The following ZNF385D variants were observed in gnomAD, a reference collection of about 807,000 sequenced individuals.
ZNF385D encodes zinc finger protein 659.
ZNF385D carries 15 observed loss-of-function variants against 35.8 expected under a neutral mutation model. That is an observed-to-expected ratio of 0.42 (90% confidence interval 0.28 to 0.64). ZNF385D has a LOEUF of 0.64. ZNF385D is among the 30% of genes least tolerant of loss of function. ZNF385D has a pLI of 0.23. For synonymous variants in ZNF385D, 212 were observed against 186.8 expected (o/e 1.13, Z -1.10); for missense variants, 474 against 494.6 (o/e 0.96, Z 0.39).
intron 2 of ZNF385D, among the ~76,000 whole-genome samples, chr3:22,301,959 C>T (rs932278985): frequency 6.6e-6 from 1 of 152,020 alleles, no homozygotes; most frequent in African/African-American, 2.4e-5. Flanking sequence ...TATTGTTTCA[C>T]TGTGTGTATA....
At chr3:21,975,663 A>G (rs1161033118) in intron 3 of ZNF385D, among the ~76,000 whole-genome samples, 2 of 149,940 alleles carry the variant, frequency 1.3e-5, no homozygotes, top group African/African-American at 2.4e-5. Flanking sequence ...TGTGCCCTCT[A>G]TGAACCCACA....
At chr3:21,724,477 CAAAAAAAAAAAAAAAA>C (rs200803155) in intron 1 of ZNF385D, among the ~76,000 whole-genome samples, 4,645 of 51,886 alleles carry the variant, frequency 0.09, 229 homozygotes, top group South Asian at 0.22. Context: ...AATGGAAAGC[CAAAAAAAAAAAAAAAA>C]AAAAAAAAAA....
chr3:21,449,752 C>T (rs1006127578), intron 4 of ZNF385D, among the ~76,000 whole-genome samples: 4 of 152,114 alleles, frequency 2.6e-5, no homozygotes, highest in Non-Finnish European at 4.4e-5. Context: ...AATGAAAAAG[C>T]CTTATCATGG....
At chr3:21,566,171 T>C (rs1052170138) in intron 2 of ZNF385D, among the ~76,000 whole-genome samples, 5 of 152,202 alleles carry the variant, frequency 3.3e-5, no homozygotes, top group African/African-American at 1.2e-4. Flanking sequence ...GACCAGGTGA[T>C]TTACATGGTT....
chr3:22,067,347 C>G (rs1016769436), intron 3 of ZNF385D, among the ~76,000 whole-genome samples: 7 of 152,114 alleles, frequency 4.6e-5, no homozygotes, highest in Non-Finnish European at 8.8e-5. Flanking sequence ...AAGTTGACAG[C>G]AAGCAAGTAA....
At chr3:22,037,291 T>A (rs112322400) in intron 3 of ZNF385D, among the ~76,000 whole-genome samples, 12,935 of 112,042 alleles carry the variant, frequency 0.12, 806 homozygotes, top group Middle Eastern at 0.19. Context: ...CACCACACTG[T>A]CTTCCACAAT....
At chr3:22,003,271 ATG>A (rs1203597382) in intron 3 of ZNF385D, among the ~76,000 whole-genome samples, 1 of 152,226 alleles carries the variant, frequency 6.6e-6, no homozygotes, top group Non-Finnish European at 1.5e-5. Context: ...TAGCTTTTCT[ATG>A]TATCAATAAT....
chr3:22,355,816 C>T (rs1031927836), intron 2 of ZNF385D, among the ~76,000 whole-genome samples: 1 of 151,906 alleles, frequency 6.6e-6, no homozygotes, highest in Non-Finnish European at 1.5e-5. Flanking sequence ...TTGGGATACA[C>T]AGTATACAAC....
At chr3:21,930,761 C>T (rs1211953741) in intron 3 of ZNF385D, among the ~76,000 whole-genome samples, 2 of 151,962 alleles carry the variant, frequency 1.3e-5, no homozygotes, top group East Asian at 1.9e-4. Flanking sequence ...TAATAAGATG[C>T]CCATATGCAA....
intron 2 of ZNF385D, among the ~76,000 whole-genome samples, chr3:22,252,531 T>C (rs1480059745): frequency 6.6e-6 from 1 of 152,062 alleles, no homozygotes; most frequent in Non-Finnish European, 1.5e-5. Context: ...AGAAAACTAC[T>C]ACTGTCAAAG....
At chr3:22,332,540 G>T (rs1694987075) in intron 2 of ZNF385D, among the ~76,000 whole-genome samples, 1 of 151,986 alleles carries the variant, frequency 6.6e-6, no homozygotes, top group African/African-American at 2.4e-5. Flanking sequence ...AAAGACAATA[G>T]GATGAAGCTT....
At position 21,964,754 on chromosome 3, in the gene ZNF385D, A is replaced by C. The variant is rs1013301985; in HGVS notation, c.325+204063T>G. The stretch of plus-strand genomic sequence containing the variant: ...TGATCCACCTGCCTCGACCTCCCAA[A>C]GTGCTGGGATTATAGGCATGAGCCA... On this transcript the variant is annotated intron_variant, in intron 3 of 5. Coordinates refer to the ZNF385D transcript ENST00000494108. Among the ~76,000 whole-genome samples, 4 of 150,966 alleles carry C rather than the reference A, an allele frequency of 2.6e-5. No individual in the cohort carries two copies. The East Asian group carries it at 5.8e-4, about 22-fold the overall frequency.
At chr3:22,349,386 G>A (rs1309904531) in intron 2 of ZNF385D, among the ~76,000 whole-genome samples, 1 of 152,156 alleles carries the variant, frequency 6.6e-6, no homozygotes, top group Non-Finnish European at 1.5e-5. Context: ...TCAATGGAAA[G>A]ACTGCTCAGT....
chr3:21,574,295 T>C (rs1024112872), intron 2 of ZNF385D, among the ~76,000 whole-genome samples: 8 of 151,942 alleles, frequency 5.3e-5, no homozygotes, highest in African/African-American at 1.9e-4. Context: ...ACAAGAAAAG[T>C]CTCTACGTGA....
chr3:21,868,139 C>T (rs1397070945), intron 3 of ZNF385D, among the ~76,000 whole-genome samples: 1 of 152,086 alleles, frequency 6.6e-6, no homozygotes, highest in Non-Finnish European at 1.5e-5. Context: ...CAGCAGTTGG[C>T]AAACATTTTC....
chr3:22,146,520 A>T (rs957820105), intron 3 of ZNF385D, among the ~76,000 whole-genome samples: 1 of 152,170 alleles, frequency 6.6e-6, no homozygotes, highest in Admixed American at 6.5e-5. Flanking sequence ...ATATTATACC[A>T]TGTATTATTA....
At chr3:22,209,149 G>T (rs146947817) in intron 2 of ZNF385D, among the ~76,000 whole-genome samples, 223 of 151,984 alleles carry the variant, frequency 1.5e-3, no homozygotes, top group African/African-American at 5.2e-3. Flanking sequence ...GGCACACTGT[G>T]AACAAAACAT....
intron 3 of ZNF385D, among the ~76,000 whole-genome samples, chr3:21,959,428 T>A (rs954556290): frequency 6.6e-6 from 1 of 152,186 alleles, no homozygotes; most frequent in African/African-American, 2.4e-5. Context: ...TACTATAGTG[T>A]TTGTGAGGAA....
At position 21,496,260 on chromosome 3, in the gene ZNF385D, A is replaced by G. The variant is rs1309445035; in HGVS notation, c.439+14601T>C. Among the ~76,000 whole-genome samples the G allele has an allele frequency of 4.8e-5, 7 of 147,044 alleles. No homozygotes were observed. In the East Asian group the frequency reaches 1.4e-3, roughly 29 times the overall value. ...AGATAAAAAGTAAATAAATATATAT[A>G]TAATTTATATATATATTTATTTACA... On this transcript the variant is annotated intron_variant, in intron 4 of 7. Coordinates refer to ENST00000281523, the MANE Select transcript of ZNF385D (RefSeq NM_024697.3).
Sources: allele counts gnomAD v4.1 joint callset (sites outside exome capture counted in the v4.1 genomes callset), GRCh38; gene constraint gnomAD v4.1.1; transcripts MANE v1.5; gene names NCBI Gene and HGNC (gene_info 2026-07-23, HGNC 2026-07-21).